The following PLXNA2 variants were observed in gnomAD, a reference collection of about 807,000 sequenced individuals.
PLXNA2 encodes plexin A2, also known as plexin-A2.
A neutral mutation model predicts 193.5 loss-of-function variants in PLXNA2; 91 were observed. The ratio of observed to expected loss-of-function variants is 0.47; its 90% CI spans 0.40 to 0.56. PLXNA2 has a LOEUF of 0.56. PLXNA2 is among the 20% of genes least tolerant of loss of function. The pLI, the probability that PLXNA2 is intolerant of heterozygous loss-of-function variation, is 0.00. For synonymous variants in PLXNA2, 997 were observed against 1,027.3 expected (o/e 0.97, Z 0.56); for missense variants, 1,995 against 2,503.2 (o/e 0.80, Z 4.33).
At chr1:208,029,718 G>A (rs1007317080) in intron 29 of PLXNA2, 16 of 985,990 alleles carry the variant, frequency 1.6e-5, no homozygotes, top group East Asian at 2.3e-4. Flanking sequence ...AAGAGGAACC[G>A]ATCAGTAGTT....
rs371788929 is a variant in PLXNA2, at chr1:208,055,087, ACGGG to A, written c.2739-553_2739-550del. Among the ~76,000 whole-genome samples the A allele has an allele frequency of 3.3e-4, 51 of 152,258 alleles. No homozygotes were observed. In the East Asian group the frequency reaches 7.5e-3, roughly 23 times the overall value. On this transcript the variant is annotated intron_variant, in intron 13 of 31. Coordinates refer to ENST00000367033, the MANE Select transcript of PLXNA2 (RefSeq NM_025179.4). ...GCTCAGAGAAGGAGCTCCCTGCAGAACGGGAGGGGTGGAGTCCTGCCGCAGTAGG... is the reference window on the plus strand; with the variant it reads ...GCTCAGAGAAGGAGCTCCCTGCAGAAAGGGGTGGAGTCCTGCCGCAGTAGG...
At chr1:208,052,818 A>AT (rs1282267838) in intron 14 of PLXNA2, among the ~76,000 whole-genome samples, 1 of 151,874 alleles carries the variant, frequency 6.6e-6, no homozygotes, top group African/African-American at 2.4e-5. Flanking sequence ...GCCTTTACTG[A>AT]TTTTTTGGGC....
Position 208,208,006 on chromosome 1 carries a change from G to A in PLXNA2, c.1371+2274C>T, listed in dbSNP as rs144880169. ...GACTGGTCTCCACAGTAACTTGTCC[G>A]TCAGGGTTTCAATAAGGCCAGGAGA... On this transcript the variant is annotated intron_variant, in intron 3 of 31. Coordinates refer to ENST00000367033, the MANE Select transcript of PLXNA2 (RefSeq NM_025179.4). Among the ~76,000 whole-genome samples, 20 of 152,358 alleles carry A rather than the reference G, an allele frequency of 1.3e-4. No homozygotes were observed. The East Asian group carries it at 2.1e-3, about 16-fold the overall frequency.
At position 208,096,075 on chromosome 1, in the gene PLXNA2, A is replaced by T. The variant is rs758073119; in HGVS notation, c.1936T>A (p.Phe646Ile). 1.2e-6 allele frequency: 2 copies of T among 1,614,008 alleles called. No individual in the cohort carries two copies. The highest frequency in any genetic ancestry group is 1.7e-6 in the Non-Finnish European group (2 of 1,180,004). ...TAAAACTTGAACTCGGTGCTGACAA[A>T]TATCTTCCCTGTCTCCTTGGACCTC... Reference protein sequence around the residue: ...QLRSKETGKIFVSTEFKFYNC... With the variant: ...QLRSKETGKIIVSTEFKFYNC... The change falls in exon 8 of 32, where the codon TTT (phenylalanine) becomes ATT (isoleucine). Residue 646 changes from phenylalanine (F) to isoleucine (I), a missense_variant. By Grantham distance (21) the Phe-to-Ile change is conservative. Transcript: ENST00000367033.
At chr1:208,146,893 C>G (rs1356390253) in intron 3 of PLXNA2, among the ~76,000 whole-genome samples, 1 of 152,152 alleles carries the variant, frequency 6.6e-6, no homozygotes, top group Non-Finnish European at 1.5e-5. Context: ...TCTGGGAAGG[C>G]TTGACCTCGG....
At chr1:208,227,230 C>T (rs1419883568) in intron 1 of PLXNA2, among the ~76,000 whole-genome samples, 1 of 152,066 alleles carries the variant, frequency 6.6e-6, no homozygotes, top group Non-Finnish European at 1.5e-5. Flanking sequence ...CACTTATTTT[C>T]TGGAAAAAAA....
Position 208,218,593 on chromosome 1 carries a change from G to A in PLXNA2, c.-80-591C>T, listed in dbSNP as rs553910764. On this transcript the variant is annotated intron_variant, in intron 1 of 31. Coordinates refer to ENST00000367033, the MANE Select transcript of PLXNA2 (RefSeq NM_025179.4). ...GGAGCTGGTCACCCTGAGTGAGAGT[G>A]CCCTGCTCTGCCCTCAGCCCTTTCT... 7.8e-4 allele frequency among the ~76,000 whole-genome samples: 119 copies of A among 152,288 alleles called. 3 individuals are homozygous for A. The South Asian group carries it at 0.024, about 30-fold the overall frequency.
At chr1:208,092,699 G>A (rs1666754953) in intron 9 of PLXNA2, 87 bp downstream of exon 9, 7 of 859,082 alleles carry the variant, frequency 8.1e-6, no homozygotes, top group Non-Finnish European at 1.1e-5. Flanking sequence ...CAAGAAAATG[G>A]CCAAGCCATT....
intron 3 of PLXNA2, among the ~76,000 whole-genome samples, chr1:208,189,778 A>T (rs1670119836): frequency 6.6e-6 from 1 of 151,934 alleles, no homozygotes; most frequent in South Asian, 2.1e-4. Flanking sequence ...CAAAGTCCCT[A>T]CTCTTCCCAC....
intron 4 of PLXNA2, among the ~76,000 whole-genome samples, chr1:208,122,119 C>T (rs553074357): frequency 2.0e-5 from 3 of 152,292 alleles, no homozygotes; most frequent in Admixed American, 6.5e-5. Context: ...GACAAACAGA[C>T]TTCTAAACAG....
intron 3 of PLXNA2, among the ~76,000 whole-genome samples, chr1:208,164,563 G>A (rs879571304): frequency 6.6e-6 from 1 of 152,210 alleles, no homozygotes; most frequent in Non-Finnish European, 1.5e-5. Context: ...AAGGGAAGAT[G>A]AAAGTATCTG....
chr1:208,094,861 T>A (rs1045910941), intron 8 of PLXNA2, among the ~76,000 whole-genome samples: 1 of 152,154 alleles, frequency 6.6e-6, no homozygotes, highest in Non-Finnish European at 1.5e-5. Context: ...TTCAGAAAAA[T>A]GGAGAATAAG....
At chr1:208,096,495 C>T (rs924449744) in intron 7 of PLXNA2, among the ~76,000 whole-genome samples, 6 of 152,302 alleles carry the variant, frequency 3.9e-5, no homozygotes, top group East Asian at 1.9e-4. Flanking sequence ...CTAGGAGGGA[C>T]GGGCTATCTG....
At chr1:208,042,407 G>C in intron 21 of PLXNA2, 41 bp from the exon 22 acceptor site, 4 of 1,593,316 alleles carry the variant, frequency 2.5e-6, no homozygotes, top group Non-Finnish European at 3.4e-6. Flanking sequence ...TCAGAGGACA[G>C]GCATCGGGCC....
chr1:208,149,838 C>G (rs980659018), intron 3 of PLXNA2, among the ~76,000 whole-genome samples: 1 of 152,146 alleles, frequency 6.6e-6, no homozygotes. Flanking sequence ...TTCACACACT[C>G]ACATACACAT....
chr1:208,107,078 A>G (rs1233785454), intron 4 of PLXNA2, among the ~76,000 whole-genome samples: 1 of 152,344 alleles, frequency 6.6e-6, no homozygotes, highest in East Asian at 1.9e-4. Context: ...AGCCTTGGCC[A>G]AAACAATGTC....
At chr1:208,203,046 A>G (rs1572027894) in intron 3 of PLXNA2, among the ~76,000 whole-genome samples, 1 of 152,186 alleles carries the variant, frequency 6.6e-6, no homozygotes, top group African/African-American at 2.4e-5. Context: ...TCCTGTCTAC[A>G]CCTGCCATGG....
intron 31 of PLXNA2, 142 bp from the exon 32 acceptor site, chr1:208,027,480 C>T: frequency 1.6e-6 from 1 of 606,906 alleles, no homozygotes; most frequent in East Asian, 2.9e-5. Flanking sequence ...AAATGATTAA[C>T]TGAATGAATA....
At chr1:208,041,148 A>C (rs1379413426) in intron 22 of PLXNA2, among the ~76,000 whole-genome samples, 2 of 152,192 alleles carry the variant, frequency 1.3e-5, no homozygotes, top group Non-Finnish European at 2.9e-5. Flanking sequence ...GTTCTTAATG[A>C]GAGTTTCTAA....
Sources: allele counts gnomAD v4.1 joint callset (sites outside exome capture counted in the v4.1 genomes callset), GRCh38; gene constraint gnomAD v4.1.1; transcripts MANE v1.5; gene names NCBI Gene and HGNC (gene_info 2026-07-23, HGNC 2026-07-21).